ANK3: variants seen among roughly 807,000 people sequenced by gnomAD.
The protein encoded by ANK3 is ankyrin 3.
ANK3 carries 57 observed loss-of-function variants against 370.9 expected under a neutral mutation model. That is an observed-to-expected ratio of 0.15 (90% CI 0.12 to 0.19). The LOEUF (loss-of-function observed/expected upper bound fraction) is 0.19. Among genes scored for constraint, ANK3 ranks in the 10% least tolerant of loss-of-function variants. The probability of loss-of-function intolerance (pLI) is 1.00; values close to 1 mark genes in which losing one functional copy is unlikely to be tolerated. For synonymous variants in ANK3, 1,929 were observed against 1,946.3 expected (o/e 0.99, Z 0.23); for missense variants, 4,439 against 5,302.1 (o/e 0.84, Z 5.06).
chr10:60,585,248 G>A (rs2077815166), intron 2 of ANK3, among the ~76,000 whole-genome samples: 1 of 152,146 alleles, frequency 6.6e-6, no homozygotes, highest in African/African-American at 2.4e-5. Flanking sequence ...TGGTAAACCT[G>A]GCCTGCAGTA....
At chr10:60,049,970 G>A (rs1349219809) in intron 42 of ANK3, among the ~76,000 whole-genome samples, 2 of 152,162 alleles carry the variant, frequency 1.3e-5, no homozygotes, top group African/African-American at 2.4e-5. Flanking sequence ...AAGGAATGTG[G>A]TGGATTTAGA....
At chr10:60,682,686 T>G (rs2079212383) in intron 1 of ANK3, among the ~76,000 whole-genome samples, 1 of 152,110 alleles carries the variant, frequency 6.6e-6, no homozygotes, top group African/African-American at 2.4e-5. Flanking sequence ...CCATGAAAAC[T>G]CAACAGAACT....
intron 2 of ANK3, among the ~76,000 whole-genome samples, chr10:60,531,438 T>C (rs1411373267): frequency 2.0e-5 from 3 of 152,098 alleles, no homozygotes; most frequent in Non-Finnish European, 4.4e-5. Flanking sequence ...ACTGTAATAT[T>C]AGTTGCCTCT....
At chr10:60,588,536 G>A (rs2077866417) in intron 2 of ANK3, among the ~76,000 whole-genome samples, 1 of 151,940 alleles carries the variant, frequency 6.6e-6, no homozygotes, top group Non-Finnish European at 1.5e-5. Flanking sequence ...GGAGATAGAG[G>A]CACATGATAA....
At chr10:60,590,646 A>C (rs1193909615) in intron 2 of ANK3, among the ~76,000 whole-genome samples, 1 of 152,196 alleles carries the variant, frequency 6.6e-6, no homozygotes, top group Admixed American at 6.5e-5. Flanking sequence ...AGCCTTTCTC[A>C]AAAGTCTTTG....
chr10:60,436,330 C>A (rs528620143), intron 2 of ANK3, among the ~76,000 whole-genome samples: 4 of 152,284 alleles, frequency 2.6e-5, no homozygotes, highest in African/African-American at 9.6e-5. Context: ...CAGGAAAATA[C>A]CTAGGAGTGG....
At chr10:60,302,455 C>G (rs943971159) in intron 1 of ANK3, among the ~76,000 whole-genome samples, 13 of 152,046 alleles carry the variant, frequency 8.6e-5, no homozygotes. Context: ...ATTATAATAA[C>G]ATTTATCAAA....
At chr10:60,363,977 T>TG (rs1566857662) in intron 1 of ANK3, among the ~76,000 whole-genome samples, 1 of 146,264 alleles carries the variant, frequency 6.8e-6, no homozygotes, top group Non-Finnish European at 1.5e-5. Context: ...AGTGTTTTTT[T>TG]TTTTTTTTTT....
At chr10:60,270,799 A>G (rs966646486) in intron 4 of ANK3, among the ~76,000 whole-genome samples, 14 of 152,226 alleles carry the variant, frequency 9.2e-5, no homozygotes, top group Admixed American at 2.6e-4. Flanking sequence ...GGTCTTTAAG[A>G]GCAAAAAAGA....
At chr10:60,672,116 C>T (rs559893996) in intron 1 of ANK3, among the ~76,000 whole-genome samples, 6 of 152,262 alleles carry the variant, frequency 3.9e-5, no homozygotes, top group East Asian at 1.9e-4. Context: ...TATGACATTG[C>T]GATAAATAAA....
intron 28 of ANK3, among the ~76,000 whole-genome samples, chr10:60,094,515 G>A (rs2132047779): frequency 6.6e-6 from 1 of 152,066 alleles, no homozygotes; most frequent in African/African-American, 2.4e-5. Flanking sequence ...TTATAACCAG[G>A]TTTCATCCTG....
chr10:60,270,333 C>T (rs552995325), intron 4 of ANK3, 104 bp from the exon 5 acceptor site: 2 of 558,888 alleles, frequency 3.6e-6, no homozygotes, highest in South Asian at 9.3e-5. Context: ...CATACAATAA[C>T]TTTAATAATA....
chr10:60,320,329 C>A (rs911491782), intron 1 of ANK3, among the ~76,000 whole-genome samples: 1 of 152,212 alleles, frequency 6.6e-6, no homozygotes, highest in Non-Finnish European at 1.5e-5. Flanking sequence ...TATGGTGGCT[C>A]ATGCCTCTAA....
intron 18 of ANK3, among the ~76,000 whole-genome samples, chr10:60,179,364 A>G (rs1006272535): frequency 2.6e-5 from 4 of 152,218 alleles, no homozygotes; most frequent in Non-Finnish European, 5.9e-5. Flanking sequence ...AAAGGGCAGG[A>G]AAGGTTACAT....
chr10:60,690,356 T>C (rs1001205229), intron 1 of ANK3, among the ~76,000 whole-genome samples: 1 of 152,124 alleles, frequency 6.6e-6, no homozygotes, highest in African/African-American at 2.4e-5. Flanking sequence ...ACAAGACGGT[T>C]CCTGGAAAAT....
chr10:60,664,427 G>T lies in ANK3; in HGVS notation c.58-49203C>A, dbSNP rs148418251. The stretch of plus-strand genomic sequence containing the variant: ...AGATATATATGTGTGTACAAAGATA[G>T]CAGAGAACACTCCAGAAAGAAACAT... On this transcript the variant is annotated intron_variant, in intron 1 of 43. Transcript: ENST00000373827. 4.6e-5 allele frequency among the ~76,000 whole-genome samples: 7 copies of T among 152,308 alleles called. No individual in the cohort carries two copies. The East Asian group carries it at 1.3e-3, about 29-fold the overall frequency.
chr10:60,499,794 G>A (rs1003771121), intron 2 of ANK3, among the ~76,000 whole-genome samples: 7 of 152,114 alleles, frequency 4.6e-5, no homozygotes, highest in South Asian at 2.1e-4. Context: ...AATTTGAAAC[G>A]CACACATAAG....
intron 2 of ANK3, among the ~76,000 whole-genome samples, chr10:60,458,193 T>C (rs1198534170): frequency 6.6e-6 from 1 of 152,104 alleles, no homozygotes; most frequent in African/African-American, 2.4e-5. Flanking sequence ...CAAGTACAGA[T>C]GGAAGTTACT....
chr10:60,140,648 A>G (rs1167835809), intron 23 of ANK3: 2 of 1,366,488 alleles, frequency 1.5e-6, no homozygotes, highest in Non-Finnish European at 1.9e-6. Flanking sequence ...GATCCTTTTG[A>G]CCACTTCGCA....
Sources: allele counts gnomAD v4.1 joint callset (sites outside exome capture counted in the v4.1 genomes callset), GRCh38; gene constraint gnomAD v4.1.1; transcripts MANE v1.5; gene names NCBI Gene and HGNC (gene_info 2026-07-23, HGNC 2026-07-21).